Variants in TNIK observed in about 807,000 individuals in gnomAD.
TNIK encodes TRAF2 and NCK interacting kinase.
In TNIK, 49 loss-of-function variants were observed where a neutral mutation model predicts 191.3. The observed-to-expected ratio is 0.26, with a 90% confidence interval of 0.20 to 0.32. The LOEUF (loss-of-function observed/expected upper bound fraction) is 0.32, where lower values mean the gene tolerates loss of function less well. Among genes scored for constraint, TNIK ranks in the 10% least tolerant of loss-of-function variants. TNIK has a pLI of 1.00. For synonymous variants in TNIK, 594 were observed against 600.9 expected, an observed-to-expected ratio of 0.99 and a Z score of 0.17; for missense variants, 1,155 against 1,702.3, an observed-to-expected ratio of 0.68 and a Z score of 5.66.
At chr3:171,211,850 T>C (rs1436744095) in intron 3 of TNIK, among the ~76,000 whole-genome samples, 2 of 152,146 alleles carry the variant, frequency 1.3e-5, no homozygotes, top group Non-Finnish European at 2.9e-5. Flanking sequence ...GTACTGAGGA[T>C]GTAAAAAGAG....
intron 1 of TNIK, among the ~76,000 whole-genome samples, chr3:171,432,506 A>G (rs940828159): frequency 6.6e-6 from 1 of 152,246 alleles, no homozygotes; most frequent in Non-Finnish European, 1.5e-5. Context: ...AGTAATTTCC[A>G]TTATTTTCCC....
At chr3:171,203,317 T>C (rs1036539572) in intron 4 of TNIK, among the ~76,000 whole-genome samples, 1 of 152,186 alleles carries the variant, frequency 6.6e-6, no homozygotes, top group Admixed American at 6.5e-5. Context: ...TGAATGAGTT[T>C]GTTTCTTAGT....
chr3:171,412,580 AC>A (rs1722547242), intron 1 of TNIK, among the ~76,000 whole-genome samples: 1 of 152,218 alleles, frequency 6.6e-6, no homozygotes, highest in African/African-American at 2.4e-5. Context: ...AAAATGAGAC[AC>A]AAATAACTTT....
intron 2 of TNIK, among the ~76,000 whole-genome samples, chr3:171,284,480 T>C (rs1292805461): frequency 6.6e-6 from 1 of 152,140 alleles, no homozygotes; most frequent in Non-Finnish European, 1.5e-5. Context: ...GCACTCTGAA[T>C]CATCAGTCCG....
intron 22 of TNIK, among the ~76,000 whole-genome samples, chr3:171,095,151 T>G (rs961944642): frequency 5.3e-5 from 8 of 152,186 alleles, no homozygotes; most frequent in Non-Finnish European, 1.0e-4. Context: ...TACAGTATAA[T>G]GAGAGAAGGT....
intron 26 of TNIK, 116 bp downstream of exon 26, chr3:171,084,039 C>T (rs957483897): frequency 2.2e-6 from 3 of 1,338,710 alleles, no homozygotes; most frequent in African/African-American, 3.0e-5. Context: ...GTCTCTAATA[C>T]CCAGGATTCA....
intron 2 of TNIK, among the ~76,000 whole-genome samples, chr3:171,284,119 G>C (rs1750765107): frequency 6.6e-6 from 1 of 151,998 alleles, no homozygotes; most frequent in Non-Finnish European, 1.5e-5. Flanking sequence ...AAACTCTGGA[G>C]GGGGGCGGCA....
chr3:171,257,578 A>G (rs965265807), intron 2 of TNIK, among the ~76,000 whole-genome samples: 3 of 152,198 alleles, frequency 2.0e-5, no homozygotes, highest in Admixed American at 1.3e-4. Context: ...CTCAGAATGG[A>G]AAACAACATT....
At position 171,280,443 on chromosome 3, in the gene TNIK, G is replaced by A. The variant is rs373640387; in HGVS notation, c.124-52222C>T. ...CTGTGAACCTCAGTTTTTAAAATCT[G>A]TGAAGTGGAGACAATATTTACAGCT... On this transcript the variant is annotated intron_variant, in intron 2 of 32. Coordinates refer to ENST00000436636, the MANE Select transcript of TNIK (RefSeq NM_015028.4). 7.2e-4 allele frequency among the ~76,000 whole-genome samples: 110 copies of A among 152,328 alleles called. 1 individual carries two copies. The South Asian group carries it at 0.021, about 29-fold the overall frequency.
At chr3:171,399,796 A>G (rs7617159) in intron 1 of TNIK, among the ~76,000 whole-genome samples, 92,873 of 152,036 alleles carry the variant, frequency 0.61, 29,394 homozygotes, top group Non-Finnish European at 0.66. Context: ...TCTGAGTGAC[A>G]TTATAGTGAT....
At chr3:171,161,762 CA>C (rs1191647903) in intron 10 of TNIK, among the ~76,000 whole-genome samples, 1 of 150,710 alleles carries the variant, frequency 6.6e-6, no homozygotes, top group Admixed American at 6.6e-5. Context: ...ACTAAAAATA[CA>C]AAAAAAATTA....
Position 171,302,979 on chromosome 3 carries a change from A to G in TNIK, c.123+66641T>C, listed in dbSNP as rs138190754. ...CTACGCAATGCAAAATCAGATTCAGATTATAATGTGCTTATTTTTTCTTTA... is the reference window on the plus strand; with the variant it reads ...CTACGCAATGCAAAATCAGATTCAGGTTATAATGTGCTTATTTTTTCTTTA... On this transcript the variant is annotated intron_variant, in intron 2 of 32. Transcript: ENST00000436636. Among the ~76,000 whole-genome samples, 274 of 152,296 alleles carry G rather than the reference A, an allele frequency of 1.8e-3. 2 individuals carry two copies. Among genetic ancestry groups the G allele is most frequent in the African/African-American group, 6.4e-3 (268 of 41,572 alleles).
intron 1 of TNIK, among the ~76,000 whole-genome samples, chr3:171,448,499 T>G (rs542064573): frequency 6.6e-6 from 1 of 152,304 alleles, no homozygotes; most frequent in African/African-American, 2.4e-5. Context: ...TACATTTTGT[T>G]TATTCATTCA....
chr3:171,068,514 C>T (rs990091299), intron 30 of TNIK, among the ~76,000 whole-genome samples: 1 of 152,158 alleles, frequency 6.6e-6, no homozygotes, highest in Admixed American at 6.5e-5. Flanking sequence ...GAACGAATTT[C>T]CCTTCAAAAA....
chr3:171,242,830 T>C (rs1745146525), intron 2 of TNIK, among the ~76,000 whole-genome samples: 1 of 152,212 alleles, frequency 6.6e-6, no homozygotes, highest in South Asian at 2.1e-4. Context: ...GTAGCAATTA[T>C]ACATATGATG....
In TNIK at chr3:171,061,519, C is replaced by T. The variant is rs948846610; in HGVS notation, c.*2362G>A. ...CCTTATGTTTAAACACAATGATTCC[C>T]TTTTATTTCTTAACTGTACCCAAAA... On this transcript the variant is annotated 3_prime_UTR_variant, in exon 33 of 33. Coordinates refer to ENST00000436636, the MANE Select transcript of TNIK (RefSeq NM_015028.4). The T allele has an allele frequency of 1.3e-5, 2 of 152,152 alleles. No homozygotes were observed. Among genetic ancestry groups the T allele is most frequent in the Middle Eastern group, 6.3e-3 (2 of 316 alleles). The allele number at this position is 152,152 out of a possible 1,614,324, so 9.4% of individuals were successfully genotyped here.
chr3:171,170,254 C>T (rs1379099081), intron 9 of TNIK, among the ~76,000 whole-genome samples: 1 of 152,152 alleles, frequency 6.6e-6, no homozygotes, highest in Non-Finnish European at 1.5e-5. Flanking sequence ...AATACTAGTT[C>T]TACTATCAGA....
intron 2 of TNIK, among the ~76,000 whole-genome samples, chr3:171,337,130 T>G (rs866089435): frequency 6.6e-6 from 1 of 152,236 alleles, no homozygotes; most frequent in African/African-American, 2.4e-5. Context: ...AAAAGTGTGC[T>G]GTGCACTAAC....
intron 15 of TNIK, among the ~76,000 whole-genome samples, chr3:171,137,627 A>G (rs1560166114): frequency 6.6e-6 from 1 of 152,226 alleles, no homozygotes; most frequent in Non-Finnish European, 1.5e-5. Context: ...TTAGTCTAGT[A>G]GTTAAGCAAA....
Sources: gnomAD v4.1 joint callset for allele counts (sites outside exome capture counted in the v4.1 genomes callset) on GRCh38, gnomAD v4.1.1 for gene constraint, MANE v1.5 for transcripts, NCBI Gene and HGNC (gene_info 2026-07-23, HGNC 2026-07-21) for gene names.